Variants in SYMPK observed in about 807,000 individuals in gnomAD.
SYMPK encodes the protein symplekin.
A neutral mutation model predicts 136.4 loss-of-function variants in SYMPK; 49 were observed. The ratio of observed to expected loss-of-function variants is 0.36; its 90% CI spans 0.29 to 0.46. The LOEUF is 0.46. Ranked by LOEUF, SYMPK falls within the 20% of genes least tolerant of loss-of-function variation. SYMPK has a pLI of 1.00. For missense variants in SYMPK, 1,365 were observed against 1,690.0 expected (o/e 0.81, Z 3.37); for synonymous variants, 766 against 713.0 (o/e 1.07, Z -1.19).
At chr19:45,837,616 C>CAG (rs72111664) in intron 10 of SYMPK, among the ~76,000 whole-genome samples, 1 of 77,558 alleles carries the variant, frequency 1.3e-5, no homozygotes, top group Non-Finnish European at 2.4e-5. Flanking sequence ...GACTCTGCCT[C>CAG]AAAAAAAAAA....
At chr19:45,820,865 C>A (rs991415413) in intron 22 of SYMPK, 51 of 499,748 alleles carry the variant, frequency 1.0e-4, no homozygotes, top group Non-Finnish European at 1.7e-4. Flanking sequence ...CAGGCTCAGG[C>A]CTGTAGGCGT....
At chr19:45,828,248 C>T (rs1049509435) in intron 14 of SYMPK, 4 of 307,316 alleles carry the variant, frequency 1.3e-5, no homozygotes, top group South Asian at 9.2e-5. Flanking sequence ...CTCAAAAGGC[C>T]GCTTTGAAGT....
rs764118199 is a variant in SYMPK, at chr19:45,829,161, C to T, written c.1794G>A (p.Ser598=). The T allele has an allele frequency of 1.4e-5, 22 of 1,614,002 alleles. No homozygotes were observed. Among genetic ancestry groups the T allele is most frequent in the Middle Eastern group, 3.3e-4 (2 of 6,084 alleles). Residue 598 remains serine (S), a synonymous_variant, in exon 14 of 27, where the codon TCG becomes TCA. Coordinates refer to ENST00000245934, the MANE Select transcript of SYMPK (RefSeq NM_004819.3). ...AGGACAGGACCTCCGCCTTCAGGCC[C>T]GAGTTGAACTGTGTCACCAGGCTGG... is the stretch of plus-strand genomic sequence containing the variant. ...ILASLVTQFN[S]GLKAEVLSFI...
chr19:45,830,491 C>T (rs1285299587), intron 12 of SYMPK: 2 of 378,346 alleles, frequency 5.3e-6, no homozygotes, highest in Admixed American at 7.4e-5. Context: ...ACCAGCTCTC[C>T]AGGCAAAGGC....
chr19:45,848,150 A>G, intron 6 of SYMPK, 149 bp from the exon 7 acceptor site: 1 of 1,057,476 alleles, frequency 9.5e-7, no homozygotes, highest in Non-Finnish European at 1.3e-6. Flanking sequence ...ACTCTGCCCC[A>G]GCCCAGTGCT....
In SYMPK at chr19:45,848,822, C is replaced by G; in HGVS notation, c.354G>C (p.Leu118Phe). 6.2e-7 allele frequency: 1 copy of G among 1,614,082 alleles called. No individual in the cohort carries two copies. The highest frequency in any genetic ancestry group is 8.5e-7 in the Non-Finnish European group (1 of 1,180,044). ...LKLIANLNML[L>F]RDENVNVVKK... ...TCACCACGTTCACATTCTCGTCCCTCAAGAGCATGTTGAGGTTTGCAATGA... is the reference window on the plus strand; with the variant it reads ...TCACCACGTTCACATTCTCGTCCCTGAAGAGCATGTTGAGGTTTGCAATGA... Residue 118 changes from leucine (L) to phenylalanine (F), a missense_variant, in exon 6 of 27, where the codon TTG (leucine) becomes TTC (phenylalanine). This residue lies in a region of SYMPK where 237 missense variants were observed against 292.9 expected (regional missense o/e 0.81). Transcript: ENST00000245934.
intron 16 of SYMPK, 120 bp from the exon 17 acceptor site, chr19:45,826,493 G>C (rs1161966481): frequency 1.8e-6 from 2 of 1,088,090 alleles, no homozygotes; most frequent in Non-Finnish European, 2.7e-6. Flanking sequence ...GGGCAGCCCA[G>C]CTGTTACCAG....
chr19:45,861,371 G>A (rs911495095), intron 1 of SYMPK, among the ~76,000 whole-genome samples: 2 of 151,692 alleles, frequency 1.3e-5, no homozygotes, highest in East Asian at 3.9e-4. Flanking sequence ...GCAGGAGCTA[G>A]ATTTTATGCA....
At chr19:45,849,004 C>G in intron 5 of SYMPK, 128 bp from the exon 6 acceptor site, 1 of 1,140,546 alleles carries the variant, frequency 8.8e-7, no homozygotes, top group Non-Finnish European at 1.3e-6. Flanking sequence ...CATCCAGAAG[C>G]TGGGAACAGT....
intron 5 of SYMPK, 100 bp from the exon 6 acceptor site, chr19:45,848,976 C>T (rs1971631446): frequency 1.4e-6 from 2 of 1,440,286 alleles, no homozygotes; most frequent in African/African-American, 1.4e-5. Flanking sequence ...GGACCTGTCT[C>T]AGGGGACCGG....
intron 9 of SYMPK, among the ~76,000 whole-genome samples, chr19:45,839,576 G>A (rs1971387348): frequency 6.6e-6 from 1 of 152,218 alleles, no homozygotes; most frequent in South Asian, 2.1e-4. Context: ...GCTGGGCGCA[G>A]TGGCTCACAC....
In SYMPK at chr19:45,815,441, G is replaced by A; in HGVS notation, c.*119C>T. On this transcript the variant is annotated 3_prime_UTR_variant, in exon 27 of 27. Coordinates refer to ENST00000245934, the MANE Select transcript of SYMPK (RefSeq NM_004819.3). ...CCATCCCTTTTTTTTTTTCTTTTCA[G>A]TAACTTGCCCAAGTTCACATCTTTT... The A allele has an allele frequency of 9.0e-7, 1 of 1,105,978 alleles. No homozygotes were observed. The highest frequency in any genetic ancestry group is 2.8e-5 in the East Asian group (1 of 35,902). 68.5% of individuals were successfully genotyped at this position (1,105,978 alleles called of 1,614,324 possible).
rs1600506298 is a variant in SYMPK, at chr19:45,831,603, G to C, written c.1394-15C>G. On this transcript the variant is annotated splice_polypyrimidine_tract_variant and intron_variant, in intron 11 of 26. Coordinates refer to ENST00000245934, the MANE Select transcript of SYMPK (RefSeq NM_004819.3). ...CTGCTCTACACCTGAGGGGGAGGCAGCAAACAGACACCCAGTGCGTCAGAC... is the reference window on the plus strand; with the variant it reads ...CTGCTCTACACCTGAGGGGGAGGCACCAAACAGACACCCAGTGCGTCAGAC... 1 of 1,566,390 alleles carries C rather than the reference G, an allele frequency of 6.4e-7. No homozygotes were observed. Among genetic ancestry groups the C allele is most frequent in the East Asian group, 2.3e-5 (1 of 42,566 alleles).
chr19:45,859,571 G>A (rs1436111682), intron 1 of SYMPK, among the ~76,000 whole-genome samples: 1 of 152,146 alleles, frequency 6.6e-6, no homozygotes, highest in Non-Finnish European at 1.5e-5. Flanking sequence ...CTGCACTCCA[G>A]CCTGGATGAC....
At chr19:45,817,415 C>CTTT (rs1568605953) in intron 23 of SYMPK, among the ~76,000 whole-genome samples, 1 of 100,174 alleles carries the variant, frequency 1.0e-5, no homozygotes, top group African/African-American at 3.9e-5. Flanking sequence ...TTTTTTTGTT[C>CTTT]TCTTTTTTTT....
chr19:45,827,139 G>A (rs1971059215), intron 16 of SYMPK, among the ~76,000 whole-genome samples: 1 of 152,194 alleles, frequency 6.6e-6, no homozygotes, highest in African/African-American at 2.4e-5. Context: ...GGCCACACCG[G>A]CTCCCCTGCT....
At chr19:45,837,008 T>C (rs1411281098) in intron 10 of SYMPK, among the ~76,000 whole-genome samples, 1 of 152,116 alleles carries the variant, frequency 6.6e-6, no homozygotes, top group Non-Finnish European at 1.5e-5. Flanking sequence ...TTGGAAAAGA[T>C]AACTAAAGAT....
chr19:45,857,852 G>A (rs896233809), intron 1 of SYMPK, among the ~76,000 whole-genome samples: 1 of 145,602 alleles, frequency 6.9e-6, no homozygotes, highest in African/African-American at 2.6e-5. Flanking sequence ...AGGCTGGAGT[G>A]TAATGGCACA....
At position 45,816,466 on chromosome 19, in the gene SYMPK, G is replaced by T; in HGVS notation, c.3354+16C>A. The T allele has an allele frequency of 6.2e-7, 1 of 1,606,208 alleles. No individual in the cohort carries two copies. On this transcript the variant is annotated intron_variant, in intron 25 of 26. Coordinates refer to ENST00000245934, the MANE Select transcript of SYMPK (RefSeq NM_004819.3). ...GGAGTCTGGGGATCCAGATGGGTGG[G>T]CTGCAGGGCCCTCACCTCCTCCAAG...
Sources: gnomAD v4.1 joint callset for allele counts (sites outside exome capture counted in the v4.1 genomes callset) on GRCh38, gnomAD v4.1.1 for gene constraint, gnomAD v4.1.1 regional missense constraint, MANE v1.5 for transcripts, NCBI Gene and HGNC (gene_info 2026-07-23, HGNC 2026-07-21) for gene names.